HDAC8: variants seen among roughly 807,000 people sequenced by gnomAD.
The protein encoded by HDAC8 is histone deacetylase-like 1.
In HDAC8, 1 loss-of-function variant was observed where a neutral mutation model predicts 32.2. The observed-to-expected ratio is 0.03, with a 90% CI of 0.01 to 0.15. The LOEUF is 0.15. Among genes scored for constraint, HDAC8 ranks in the 10% least tolerant of loss-of-function variants. The pLI is 1.00. For synonymous variants in HDAC8, 108 were observed against 113.9 expected, an observed-to-expected ratio of 0.95 and a Z score of 0.33; for missense variants, 117 against 300.0, an observed-to-expected ratio of 0.39 and a Z score of 4.51.
chrX:72,413,475 G>A (rs2046256767), intron 9 of HDAC8, among the ~76,000 whole-genome samples: 1 of 110,915 alleles, frequency 9.0e-6, no homozygotes, highest in South Asian at 3.9e-4. Context: ...TGACTGGAAT[G>A]ACCTGCCAGC....
intron 9 of HDAC8, among the ~76,000 whole-genome samples, chrX:72,356,666 C>T (rs1410854625): frequency 2.7e-5 from 3 of 110,730 alleles, no homozygotes; most frequent in African/African-American, 9.9e-5. Context: ...CTTCCACCTC[C>T]CCTCCCGGGT....
At chrX:72,360,791 T>C (rs1174085833) in intron 9 of HDAC8, among the ~76,000 whole-genome samples, 1 of 112,463 alleles carries the variant, frequency 8.9e-6, no homozygotes, top group African/African-American at 3.2e-5. Flanking sequence ...AACATTTCTG[T>C]TTACAGGAAA....
At chrX:72,542,944 A>T (rs2050752883) in intron 4 of HDAC8, among the ~76,000 whole-genome samples, 2 of 112,263 alleles carry the variant, frequency 1.8e-5, no homozygotes, top group Non-Finnish European at 3.8e-5. Context: ...TTCATATCAT[A>T]TCACACTGTT....
chrX:72,473,706 G>A (rs782318057), intron 7 of HDAC8: 50 of 752,356 alleles, frequency 6.6e-5, no homozygotes, highest in Non-Finnish European at 7.7e-5. Flanking sequence ...CAGATACTAT[G>A]TCAGCCACTT....
intron 4 of HDAC8, among the ~76,000 whole-genome samples, chrX:72,526,218 C>T (rs782268073): frequency 6.3e-5 from 7 of 110,968 alleles, no homozygotes; most frequent in African/African-American, 9.8e-5. Context: ...ACTGTTTTTT[C>T]TCCCTGCTCC....
intron 9 of HDAC8, among the ~76,000 whole-genome samples, chrX:72,429,019 CTTTCTTT>C (rs1236949452): frequency 2.5e-4 from 22 of 86,416 alleles, no homozygotes; most frequent in Non-Finnish European, 4.4e-4. Flanking sequence ...TTCTTTCTTT[CTTTCTTT>C]TTTTTTTTTT....
chrX:72,386,950 A>G (rs1555961639), intron 9 of HDAC8, among the ~76,000 whole-genome samples: 1 of 112,320 alleles, frequency 8.9e-6, no homozygotes, highest in Non-Finnish European at 1.9e-5. Flanking sequence ...TCTATTTGCT[A>G]TATTAGCCTG....
At chrX:72,392,712 C>CT (rs2045645112) in intron 9 of HDAC8, among the ~76,000 whole-genome samples, 1 of 112,233 alleles carries the variant, frequency 8.9e-6, no homozygotes, top group South Asian at 3.7e-4. Flanking sequence ...ATTCTACTAT[C>CT]TTTTCTCTGG....
intron 4 of HDAC8, among the ~76,000 whole-genome samples, chrX:72,563,231 T>C (rs1186336630): frequency 1.8e-5 from 2 of 111,728 alleles, no homozygotes; most frequent in Non-Finnish European, 3.8e-5. Context: ...TGAAGTTCCC[T>C]ATAATCCTTA....
intron 9 of HDAC8, among the ~76,000 whole-genome samples, chrX:72,402,413 CTTTTT>C (rs77739404): frequency 1.5e-5 from 1 of 68,107 alleles, no homozygotes; most frequent in Non-Finnish European, 2.5e-5. Flanking sequence ...GTGTTCTTTT[CTTTTT>C]TTTTTTTTTT....
chrX:72,415,842 G>A (rs1190399251), intron 9 of HDAC8, among the ~76,000 whole-genome samples: 1 of 111,542 alleles, frequency 9.0e-6, no homozygotes. Flanking sequence ...GAAGGTTTTT[G>A]TTACATTCCT....
intron 9 of HDAC8, among the ~76,000 whole-genome samples, chrX:72,374,412 C>T (rs782679979): frequency 9.0e-6 from 1 of 111,628 alleles, no homozygotes; most frequent in Non-Finnish European, 1.9e-5. Context: ...TGTCTCATGT[C>T]TGCAATCCCA....
chrX:72,398,330 T>G (rs2045815047), intron 9 of HDAC8, among the ~76,000 whole-genome samples: 1 of 110,843 alleles, frequency 9.0e-6, no homozygotes, highest in Non-Finnish European at 1.9e-5. Flanking sequence ...TCTTTTTTTT[T>G]GTTTGTTTTT....
chrX:72,416,825 T>G (rs2046358436), intron 9 of HDAC8, among the ~76,000 whole-genome samples: 5 of 110,280 alleles, frequency 4.5e-5, no homozygotes. Context: ...TTCTTTAGTT[T>G]CTAAGTGTTT....
intron 9 of HDAC8, among the ~76,000 whole-genome samples, chrX:72,438,861 G>C (rs1256036397): frequency 1.8e-5 from 2 of 112,018 alleles, no homozygotes; most frequent in African/African-American, 6.5e-5. Context: ...AAGTGACAGG[G>C]AGAATGGAAC....
chrX:72,390,487 G>C (rs183030169), intron 9 of HDAC8, among the ~76,000 whole-genome samples: 26 of 111,973 alleles, frequency 2.3e-4, no homozygotes, highest in African/African-American at 7.8e-4. Context: ...ATAGTGTATA[G>C]CTATTTTATT....
At chrX:72,392,264 TCC>T (rs2045631007) in intron 9 of HDAC8, among the ~76,000 whole-genome samples, 2 of 111,914 alleles carry the variant, frequency 1.8e-5, no homozygotes, top group African/African-American at 6.5e-5. Context: ...CCTTAAACCA[TCC>T]ACCCCTGCCA....
intron 4 of HDAC8, among the ~76,000 whole-genome samples, chrX:72,502,767 G>GA (rs1211142996): frequency 3.7e-5 from 4 of 107,196 alleles, no homozygotes; most frequent in African/African-American, 6.8e-5. Context: ...CTAAAAATAC[G>GA]AAAAAAAAAT....
At chrX:72,404,911 A>G (rs2045997867) in intron 9 of HDAC8, among the ~76,000 whole-genome samples, 2 of 111,012 alleles carry the variant, frequency 1.8e-5, no homozygotes, top group Admixed American at 1.9e-4. Flanking sequence ...GTTTTCAGAA[A>G]TTCTGGAGAA....
Sources: allele counts gnomAD v4.1 joint callset (sites outside exome capture counted in the v4.1 genomes callset), GRCh38; gene constraint gnomAD v4.1.1; transcripts MANE v1.5; gene names NCBI Gene and HGNC (gene_info 2026-07-23, HGNC 2026-07-21).